ZNF248: variants seen among roughly 807,000 people sequenced by gnomAD.
ZNF248 encodes KRAB protein domain.
In ZNF248, 20 loss-of-function variants were observed where a neutral mutation model predicts 44.3. The ratio of observed to expected loss-of-function variants is 0.45; its 90% CI spans 0.32 to 0.66. The LOEUF (loss-of-function observed/expected upper bound fraction) is 0.66, where lower values mean the gene tolerates loss of function less well. ZNF248 is among the 30% of genes least tolerant of loss of function. The pLI, the probability that ZNF248 is intolerant of heterozygous loss-of-function variation, is 0.04. For missense variants in ZNF248, 654 were observed against 677.0 expected (o/e 0.97, Z 0.38); for synonymous variants, 224 against 229.0 (o/e 0.98, Z 0.20).
intron 6 of ZNF248, among the ~76,000 whole-genome samples, chr10:37,800,362 T>C (rs188622819): frequency 6.6e-6 from 1 of 152,334 alleles, no homozygotes; most frequent in Admixed American, 6.5e-5. Context: ...AGTAAGAATA[T>C]ATAGTATTTG....
At chr10:37,781,851 T>C (rs2047352709) in intron 6 of ZNF248, among the ~76,000 whole-genome samples, 1 of 152,200 alleles carries the variant, frequency 6.6e-6, no homozygotes, top group South Asian at 2.1e-4. Flanking sequence ...AACTCTTTAA[T>C]AAGGTTATTA....
intron 6 of ZNF248, among the ~76,000 whole-genome samples, chr10:37,810,263 C>G (rs1208692): frequency 6.6e-6 from 1 of 152,078 alleles, no homozygotes; most frequent in Non-Finnish European, 1.5e-5. Context: ...ATTATTGGAA[C>G]GACATATTGA....
Position 37,793,471 on chromosome 10 carries a change from C to CA in ZNF248, c.331-16897dup, listed in dbSNP as rs559924545. ...AATGGCCAATACCATCTAATTAGGC[C>CA]AAAAAAATGTTGAAGAAAGGGTATC... On this transcript the variant is annotated intron_variant, in intron 6 of 6. Transcript: ENST00000615949. Among the ~76,000 whole-genome samples the CA allele has an allele frequency of 1.6e-3, 247 of 151,802 alleles. 2 individuals carry two copies. The highest frequency in any genetic ancestry group is 0.01 in the Middle Eastern group (3 of 294).
chr10:37,807,412 T>C (rs900279479), intron 6 of ZNF248, among the ~76,000 whole-genome samples: 6 of 152,172 alleles, frequency 3.9e-5, no homozygotes, highest in African/African-American at 1.4e-4. Flanking sequence ...CGGGGGTCCC[T>C]TTGGATTCCA....
chr10:37,779,391 T>G (rs1199374010), intron 6 of ZNF248, among the ~76,000 whole-genome samples: 1 of 152,124 alleles, frequency 6.6e-6, no homozygotes, highest in African/African-American at 2.4e-5. Context: ...ATCCAGCATA[T>G]AAACAGAGCC....
At chr10:37,797,316 G>T (rs559646485) in intron 6 of ZNF248, among the ~76,000 whole-genome samples, 1 of 150,570 alleles carries the variant, frequency 6.6e-6, no homozygotes, top group Non-Finnish European at 1.5e-5. Context: ...ATTGATCAAA[G>T]ACCTAAATGA....
At chr10:37,848,306 A>T (rs1007955555) in intron 3 of ZNF248, among the ~76,000 whole-genome samples, 1 of 150,406 alleles carries the variant, frequency 6.6e-6, no homozygotes, top group African/African-American at 2.5e-5. Flanking sequence ...GAATACAGCC[A>T]GGCACAGTGG....
At chr10:37,856,846 G>T (rs938408565) in intron 1 of ZNF248, 1 of 385,052 alleles carries the variant, frequency 2.6e-6, no homozygotes, top group African/African-American at 2.2e-5. Context: ...CAGTGGCTCG[G>T]GAAACTGCAG....
chr10:37,775,406 C>T (rs767669895), downstream of ZNF248: 9 of 152,034 alleles, frequency 5.9e-5, no homozygotes, highest in Non-Finnish European at 1.2e-4. Flanking sequence ...TGTACAGTTA[C>T]GGGAGAAGAA....
chr10:37,770,069 A>T, the ZNF248 span, among the ~76,000 whole-genome samples: 1 of 152,210 alleles, frequency 6.6e-6, no homozygotes, highest in East Asian at 1.9e-4. Flanking sequence ...CTTACAAGGG[A>T]TGTGAAGGAC....
At chr10:37,856,009 T>C (rs1031561601) in intron 3 of ZNF248, among the ~76,000 whole-genome samples, 3 of 152,246 alleles carry the variant, frequency 2.0e-5, no homozygotes, top group African/African-American at 7.2e-5. Context: ...TGTAACTGTG[T>C]TCTTTGTTTC....
At chr10:37,816,932 G>A (rs2052570142) in intron 6 of ZNF248, among the ~76,000 whole-genome samples, 1 of 152,062 alleles carries the variant, frequency 6.6e-6, no homozygotes, top group South Asian at 2.1e-4. Context: ...CTAAGTCAAA[G>A]TAAGGGTAAC....
intron 6 of ZNF248, chr10:37,791,594 T>C (rs765119472): frequency 2.0e-5 from 3 of 152,166 alleles, no homozygotes; most frequent in Non-Finnish European, 2.9e-5. Context: ...GGGAGACAGA[T>C]GGATTTCAGT....
intron 5 of ZNF248, among the ~76,000 whole-genome samples, chr10:37,834,565 C>T (rs1249981195): frequency 6.6e-6 from 1 of 152,164 alleles, no homozygotes; most frequent in Non-Finnish European, 1.5e-5. Context: ...AGAGGCCCTT[C>T]TCTTTTGGAG....
downstream of ZNF248, among the ~76,000 whole-genome samples, chr10:37,827,379 A>G (rs774133002): frequency 6.6e-6 from 1 of 152,240 alleles, no homozygotes; most frequent in Non-Finnish European, 1.5e-5. Context: ...CAAAGAAACC[A>G]ATAACAGAGA....
intron 6 of ZNF248, among the ~76,000 whole-genome samples, chr10:37,784,354 G>T (rs1048604622): frequency 1.3e-5 from 2 of 152,146 alleles, no homozygotes. Context: ...TGAATAATTG[G>T]AATGGATAAA....
chr10:37,818,775 C>T (rs1285023192), intron 6 of ZNF248: 54 of 761,828 alleles, frequency 7.1e-5, no homozygotes, highest in South Asian at 4.7e-4. Flanking sequence ...GTCAAATAAA[C>T]GCCTTTGCTT....
rs552426503 is a variant in ZNF248, at chr10:37,819,507, C to T, written c.330+13518G>A. On this transcript the variant is annotated intron_variant, in intron 6 of 6. Transcript: ENST00000615949. ...AATGCCTTGTAAACTTTACTGAAAC[C>T]TCCTCTATCCAAAAGATGTAACAAC... 136 of 1,169,880 alleles carry T rather than the reference C, an allele frequency of 1.2e-4. 1 individual carries two copies. In the Middle Eastern group the frequency reaches 1.7e-3, roughly 14 times the overall value. The allele number at this position is 1,169,880 out of a possible 1,614,324, so 72.5% of individuals were successfully genotyped here. A position where few individuals can be genotyped will look rare whatever the true frequency, so the allele number is the denominator to read the frequency against.
chr10:37,853,597 C>T (rs908458054), intron 3 of ZNF248, among the ~76,000 whole-genome samples: 5 of 152,018 alleles, frequency 3.3e-5, no homozygotes, highest in Non-Finnish European at 5.9e-5. Flanking sequence ...TCAGGCTGGT[C>T]GCGAACTCCC....
Sources: allele counts gnomAD v4.1 joint callset (sites outside exome capture counted in the v4.1 genomes callset), GRCh38; gene constraint gnomAD v4.1.1; transcripts MANE v1.5; gene names NCBI Gene and HGNC (gene_info 2026-07-23, HGNC 2026-07-21).